Variants in ARPC2 observed in about 807,000 individuals in gnomAD.
ARPC2 encodes the protein actin related protein 2/3 complex subunit 2, also known as actin-related protein 2/3 complex subunit 2.
ARPC2 carries 4 observed loss-of-function variants against 38.6 expected under a neutral mutation model. That is an observed-to-expected ratio of 0.10 (90% CI 0.05 to 0.24). The LOEUF (loss-of-function observed/expected upper bound fraction) is 0.24. Ranked by LOEUF, ARPC2 falls within the 10% of genes least tolerant of loss-of-function variation. The pLI is 1.00. For synonymous variants in ARPC2, 125 were observed against 140.8 expected (o/e 0.89, Z 0.79); for missense variants, 229 against 387.3 (o/e 0.59, Z 3.43).
At chr2:218,227,145 T>A in intron 3 of ARPC2, 1 of 395,250 alleles carries the variant, frequency 2.5e-6, no homozygotes, top group South Asian at 1.8e-5. Flanking sequence ...TTGCCAGATA[T>A]CCCTTCGTGA....
intron 8 of ARPC2, 86 bp from the exon 9 acceptor site, chr2:218,249,278 A>G: frequency 1.2e-6 from 1 of 854,774 alleles, no homozygotes; most frequent in Non-Finnish European, 1.9e-6. Context: ...GCAGAGAGGG[A>G]GTGATGTTCA....
At chr2:218,226,016 T>G in intron 3 of ARPC2, 62 bp downstream of exon 3, 1 of 1,542,006 alleles carries the variant, frequency 6.5e-7, no homozygotes, top group Non-Finnish European at 9.0e-7. Flanking sequence ...GGAAATAGGC[T>G]GGGTGCAGTG....
At chr2:218,249,231 A>G in intron 8 of ARPC2, 133 bp from the exon 9 acceptor site, 2 of 629,876 alleles carry the variant, frequency 3.2e-6, no homozygotes, top group Non-Finnish European at 5.5e-6. Context: ...AACCCTGACA[A>G]AGCCTGGTAA....
intron 3 of ARPC2, 60 bp downstream of exon 3, chr2:218,226,014 G>A: frequency 6.4e-7 from 1 of 1,568,094 alleles, no homozygotes; most frequent in Admixed American, 1.7e-5. Flanking sequence ...TAGGAAATAG[G>A]CTGGGTGCAG....
In ARPC2 at chr2:218,253,966, G is replaced by A; in HGVS notation, c.*51G>A. 6 of 1,608,698 alleles carry A rather than the reference G, an allele frequency of 3.7e-6. No homozygotes were observed. The highest frequency in any genetic ancestry group is 5.1e-6 in the Non-Finnish European group (6 of 1,175,456). ...CTGGCAACTGAAGGCTGGAACACTT[G>A]CTACTGGATAATCGTAGCTTTTAAT... On this transcript the variant is annotated 3_prime_UTR_variant, in exon 11 of 11. Transcript: ENST00000315717.
intron 3 of ARPC2, among the ~76,000 whole-genome samples, chr2:218,226,362 G>C (rs1259006048): frequency 6.6e-6 from 1 of 151,726 alleles, no homozygotes; most frequent in African/African-American, 2.4e-5. Flanking sequence ...GGGTGCGGTA[G>C]CTCATGCATG....
intron 10 of ARPC2, among the ~76,000 whole-genome samples, chr2:218,250,267 G>C (rs530078089): frequency 6.6e-6 from 1 of 152,172 alleles, no homozygotes; most frequent in Admixed American, 6.5e-5. Context: ...CCTTTAATTG[G>C]GTAAATAGGC....
intron 1 of ARPC2, 101 bp downstream of exon 1, chr2:218,217,355 C>G: frequency 1.2e-6 from 1 of 840,800 alleles, no homozygotes; most frequent in South Asian, 1.4e-5. Context: ...TCTCCCCTAA[C>G]CTCCTACCCC....
intron 4 of ARPC2, among the ~76,000 whole-genome samples, chr2:218,229,639 A>G (rs1689584450): frequency 6.6e-6 from 1 of 152,246 alleles, no homozygotes; most frequent in African/African-American, 2.4e-5. Context: ...AATTATTTAA[A>G]ACTTATATAA....
chr2:218,227,930 T>C, intron 3 of ARPC2, among the ~76,000 whole-genome samples: 1 of 152,188 alleles, frequency 6.6e-6, no homozygotes, highest in Non-Finnish European at 1.5e-5. Flanking sequence ...GAAATTGTTT[T>C]TAAAAATTTA....
chr2:218,223,730 A>G (rs13000812), intron 2 of ARPC2, among the ~76,000 whole-genome samples: 4 of 152,208 alleles, frequency 2.6e-5, no homozygotes, highest in Admixed American at 2.0e-4. Context: ...TGAATTCTAA[A>G]TAACTTGCTT....
intron 10 of ARPC2, among the ~76,000 whole-genome samples, chr2:218,250,263 A>T (rs1470387601): frequency 5.9e-5 from 9 of 152,106 alleles, no homozygotes; most frequent in Non-Finnish European, 1.3e-4. Flanking sequence ...GGGACCTTTA[A>T]TTGGGTAAAT....
intron 2 of ARPC2, among the ~76,000 whole-genome samples, chr2:218,218,213 G>T (rs1689301535): frequency 6.6e-6 from 1 of 152,148 alleles, no homozygotes; most frequent in Non-Finnish European, 1.5e-5. Flanking sequence ...TCTCCTTTGA[G>T]GTTCTAATGC....
intron 2 of ARPC2, among the ~76,000 whole-genome samples, chr2:218,217,853 GC>G (rs1689291651): frequency 6.6e-6 from 1 of 152,234 alleles, no homozygotes; most frequent in South Asian, 2.1e-4. Flanking sequence ...GTAGCCCCCT[GC>G]CCTCTGGGGC....
At chr2:218,247,495 T>TC (rs907357298) in intron 8 of ARPC2, among the ~76,000 whole-genome samples, 1 of 152,184 alleles carries the variant, frequency 6.6e-6, no homozygotes, top group Admixed American at 6.5e-5. Flanking sequence ...TTTTTCTTTC[T>TC]CTCTGTCACC....
intron 7 of ARPC2, among the ~76,000 whole-genome samples, chr2:218,243,875 C>T (rs1044109644): frequency 1.3e-5 from 2 of 152,224 alleles, no homozygotes; most frequent in Admixed American, 6.5e-5. Context: ...GCTAATAAGT[C>T]ACCACTGGTT....
intron 8 of ARPC2, among the ~76,000 whole-genome samples, chr2:218,248,086 A>G (rs1690090938): frequency 6.6e-6 from 1 of 151,918 alleles, no homozygotes; most frequent in Admixed American, 6.6e-5. Context: ...AGCCAGCTAT[A>G]CCATTTTTTT....
At chr2:218,239,076 C>T in intron 6 of ARPC2, 1 of 564,908 alleles carries the variant, frequency 1.8e-6, no homozygotes, top group East Asian at 2.9e-5. Flanking sequence ...CCAGTGCTTT[C>T]CTTTAAGGCA....
intron 10 of ARPC2, 51 bp from the exon 11 acceptor site, chr2:218,253,840 G>A: frequency 1.2e-6 from 2 of 1,607,858 alleles, no homozygotes; most frequent in Non-Finnish European, 8.5e-7. Flanking sequence ...TGTGGGGTGG[G>A]AGGAAAGGGC....
Sources: gnomAD v4.1 joint callset for allele counts (sites outside exome capture counted in the v4.1 genomes callset) on GRCh38, gnomAD v4.1.1 for gene constraint, MANE v1.5 for transcripts, NCBI Gene and HGNC (gene_info 2026-07-23, HGNC 2026-07-21) for gene names.